Variants in SH3BGRL observed in about 807,000 individuals in gnomAD.
The protein encoded by SH3BGRL is adapter SH3BGRL.
Under a neutral mutation model 9.8 loss-of-function variants are expected in SH3BGRL, and 7 were observed. The observed-to-expected ratio is 0.72, with a 90% CI of 0.41 to 1.35. The LOEUF is 1.35. SH3BGRL is among the 40% of genes most tolerant of loss of function. SH3BGRL has a pLI of 0.01. For synonymous variants in SH3BGRL, 36 were observed against 29.1 expected, an observed-to-expected ratio of 1.24 and a Z score of -0.76; for missense variants, 73 against 84.4, an observed-to-expected ratio of 0.86 and a Z score of 0.53.
At chrX:81,265,391 G>T (rs2075753749) in intron 1 of SH3BGRL, among the ~76,000 whole-genome samples, 1 of 109,255 alleles carries the variant, frequency 9.2e-6, no homozygotes, top group Non-Finnish European at 1.9e-5. Context: ...CCCGGTGTGT[G>T]ATGTTTCCCT....
intron 1 of SH3BGRL, among the ~76,000 whole-genome samples, chrX:81,257,051 A>C (rs978586846): frequency 1.9e-5 from 2 of 105,935 alleles, no homozygotes; most frequent in Non-Finnish European, 3.9e-5. Context: ...TAATTTGTTT[A>C]TTCTCTACAT....
intron 1 of SH3BGRL, among the ~76,000 whole-genome samples, chrX:81,267,813 G>C (rs1003129834): frequency 4.5e-5 from 5 of 111,158 alleles, no homozygotes; most frequent in Non-Finnish European, 7.5e-5. Flanking sequence ...TTTGTACCTC[G>C]AGTAGAATTT....
At chrX:81,240,591 A>G in intron 1 of SH3BGRL, among the ~76,000 whole-genome samples, 1 of 112,414 alleles carries the variant, frequency 8.9e-6, no homozygotes, top group Non-Finnish European at 1.9e-5. Context: ...TGGAAGAATC[A>G]ATATTGTTTA....
chrX:81,287,937 AAAAG>A (rs1420333549), intron 3 of SH3BGRL, among the ~76,000 whole-genome samples: 10 of 108,208 alleles, frequency 9.2e-5, no homozygotes, highest in Admixed American at 2.1e-4. Flanking sequence ...ATAAAAAAGA[AAAAG>A]AAAGAAGGAA....
intron 1 of SH3BGRL, among the ~76,000 whole-genome samples, chrX:81,237,737 G>T (rs907674370): frequency 9.2e-6 from 1 of 109,160 alleles, no homozygotes; most frequent in Non-Finnish European, 1.9e-5. Flanking sequence ...GGGCACATGA[G>T]CTACTAAGAC....
chrX:81,286,498 C>CAAAAAAAAAAAAA (rs570813241), intron 3 of SH3BGRL, among the ~76,000 whole-genome samples: 1 of 46,398 alleles, frequency 2.2e-5, no homozygotes, highest in Non-Finnish European at 3.6e-5. Flanking sequence ...AGCTACTAGG[C>CAAAAAAAAAAAAA]AAAAAAAAAA....
At chrX:81,257,436 C>T (rs1602614468) in intron 1 of SH3BGRL, among the ~76,000 whole-genome samples, 2 of 111,728 alleles carry the variant, frequency 1.8e-5, no homozygotes, top group South Asian at 7.5e-4. Context: ...GCCTATGGGT[C>T]AGGAGTCCTG....
chrX:81,254,349 T>C (rs2075719174), intron 1 of SH3BGRL, among the ~76,000 whole-genome samples: 1 of 111,791 alleles, frequency 8.9e-6, no homozygotes, highest in Admixed American at 9.5e-5. Flanking sequence ...CCATGTTTTT[T>C]TGGCTTGTGT....
At chrX:81,237,205 C>T (rs1323907101) in intron 1 of SH3BGRL, 19 of 385,796 alleles carry the variant, frequency 4.9e-5, no homozygotes, top group Non-Finnish European at 8.1e-5. Flanking sequence ...TCTACATGCA[C>T]ACACACAAAA....
chrX:81,268,327 G>A, intron 1 of SH3BGRL, among the ~76,000 whole-genome samples: 1 of 111,185 alleles, frequency 9.0e-6, no homozygotes, highest in Non-Finnish European at 1.9e-5. Context: ...TTCGATTTTA[G>A]ACCTTTCCTG....
chrX:81,233,199 A>G (rs2075638168), intron 1 of SH3BGRL, among the ~76,000 whole-genome samples: 1 of 112,125 alleles, frequency 8.9e-6, no homozygotes, highest in Admixed American at 9.4e-5. Flanking sequence ...AACACTTTGA[A>G]ATGAATTTGT....
At chrX:81,249,298 T>G (rs932264242) in intron 1 of SH3BGRL, among the ~76,000 whole-genome samples, 3 of 112,343 alleles carry the variant, frequency 2.7e-5, no homozygotes, top group Non-Finnish European at 5.6e-5. Context: ...ATTAGTTATT[T>G]TAATAATGTC....
At chrX:81,264,186 A>C (rs1373555576) in intron 1 of SH3BGRL, among the ~76,000 whole-genome samples, 1 of 111,361 alleles carries the variant, frequency 9.0e-6, no homozygotes, top group Non-Finnish European at 1.9e-5. Flanking sequence ...ATAGTTTAGA[A>C]GGAACTCGCT....
At chrX:81,287,023 A>G (rs1226068017) in intron 3 of SH3BGRL, among the ~76,000 whole-genome samples, 1 of 111,860 alleles carries the variant, frequency 8.9e-6, no homozygotes, top group East Asian at 2.8e-4. Context: ...GATTTCTCCC[A>G]TTAAAAATGA....
chrX:81,223,023 TG>T (rs1346581916), intron 1 of SH3BGRL, among the ~76,000 whole-genome samples: 2 of 112,045 alleles, frequency 1.8e-5, no homozygotes, highest in African/African-American at 3.2e-5. Context: ...TGGGGTTGTT[TG>T]TTTTTTTTCT....
intron 1 of SH3BGRL, among the ~76,000 whole-genome samples, chrX:81,218,708 CACAT>C (rs1374435709): frequency 1.9e-5 from 2 of 102,779 alleles, no homozygotes; most frequent in Non-Finnish European, 3.9e-5. Context: ...TATATATACA[CACAT>C]ACAGATATGT....
At chrX:81,266,843 G>A (rs1442810547) in intron 1 of SH3BGRL, among the ~76,000 whole-genome samples, 2 of 112,135 alleles carry the variant, frequency 1.8e-5, no homozygotes, top group Non-Finnish European at 3.8e-5. Flanking sequence ...CATGAGCATG[G>A]AATGTTTTTC....
chrX:81,293,461 T>C (rs958273517), intron 3 of SH3BGRL, among the ~76,000 whole-genome samples: 1 of 111,536 alleles, frequency 9.0e-6, no homozygotes, highest in East Asian at 2.8e-4. Context: ...GGCAGGTGGA[T>C]CACTTGAGAT....
rs1324912421 is a variant in SH3BGRL, at chrX:81,250,650, AT to A, written c.46-26326del. On this transcript the variant is annotated intron_variant, in intron 1 of 3. Transcript: ENST00000373212. ...TATATAAAGTTTACCAACTTCAACT[AT>A]TTTTTTTCTCCTCGGAACAAACTTT... 2.4e-4 allele frequency among the ~76,000 whole-genome samples: 27 copies of A among 111,386 alleles called. 1 individual carries two copies. Among genetic ancestry groups the A allele is most frequent in the Admixed American group, 2.2e-3 (23 of 10,549 alleles).
Sources: allele counts gnomAD v4.1 joint callset (sites outside exome capture counted in the v4.1 genomes callset), GRCh38; gene constraint gnomAD v4.1.1; transcripts MANE v1.5; gene names NCBI Gene and HGNC (gene_info 2026-07-23, HGNC 2026-07-21).